The following PRSS16 variants were observed in gnomAD, a reference collection of about 807,000 sequenced individuals.
The protein encoded by PRSS16 is serine protease 16, also known as thymus-specific serine protease.
PRSS16 carries 43 observed loss-of-function variants against 61.7 expected under a neutral mutation model. That is an observed-to-expected ratio of 0.70 (90% CI 0.55 to 0.90). The LOEUF (loss-of-function observed/expected upper bound fraction) is 0.90. Among genes scored for constraint, PRSS16 ranks in the 40% least tolerant of loss-of-function variants. PRSS16 has a pLI of 0.00. For missense variants in PRSS16, 591 were observed against 659.1 expected (o/e 0.90, Z 1.13); for synonymous variants, 273 against 285.2 (o/e 0.96, Z 0.43).
In PRSS16 at chr6:27,252,070, G is replaced by C; in HGVS notation, c.1008+30G>C. 1.4e-6 allele frequency: 2 copies of C among 1,458,790 alleles called. No homozygotes were observed. Among genetic ancestry groups the C allele is most frequent in the Non-Finnish European group, 1.8e-6 (2 of 1,110,334 alleles). 90.4% of individuals were successfully genotyped at this position (1,458,790 alleles called of 1,614,324 possible). ...GCACTCCCTGGCACAGCTGGGAGGA[G>C]TTAGCGGACAAAGATTCCTGCCCCA... On this transcript the variant is annotated intron_variant, in intron 8 of 11. Coordinates refer to ENST00000230582, the MANE Select transcript of PRSS16 (RefSeq NM_005865.4). This position sits in a 1 kb window ranked among gnomAD's most constrained non-coding sequence, Gnocchi z 4.2.
chr6:27,256,215 C>T lies in PRSS16; in HGVS notation c.*900C>T, dbSNP rs1183623443. On this transcript the variant is annotated 3_prime_UTR_variant, in exon 12 of 12. Transcript: ENST00000230582. ...TATCTCTCTTATTTAGTCTTCCTTC[C>T]ACACCCTTCACTCACCATCTTTTCC... 6.6e-6 allele frequency: 1 copy of T among 152,616 alleles called. No homozygotes were observed. The highest frequency in any genetic ancestry group is 1.9e-4 in the East Asian group (1 of 5,190). The allele number at this position is 152,616 out of a possible 1,614,324, so 9.5% of individuals were successfully genotyped here.
chr6:27,248,411 G>A (rs1371018943), intron 2 of PRSS16, among the ~76,000 whole-genome samples: 2 of 151,882 alleles, frequency 1.3e-5, no homozygotes, highest in African/African-American at 4.8e-5. Context: ...TTTGGAATCA[G>A]ACCTAGCTCA....
intron 9 of PRSS16, 115 bp from the exon 10 acceptor site, chr6:27,254,578 C>G: frequency 9.7e-7 from 1 of 1,030,874 alleles, no homozygotes; most frequent in Non-Finnish European, 1.5e-6. Flanking sequence ...GTAAACTCCT[C>G]GAAGGGAGTA....
Position 27,252,058 on chromosome 6 carries a change from C to T in PRSS16, c.1008+18C>T. ...CGGTGCAGGTGAGCACTCCCTGGCACAGCTGGGAGGAGTTAGCGGACAAAG... is the reference window on the plus strand; with the variant it reads ...CGGTGCAGGTGAGCACTCCCTGGCATAGCTGGGAGGAGTTAGCGGACAAAG... On this transcript the variant is annotated intron_variant, in intron 8 of 11. Transcript: ENST00000230582. The surrounding 1 kb of genome is among the most constrained non-coding windows in gnomAD (Gnocchi z 4.2). The T allele has an allele frequency of 6.7e-7, 1 of 1,482,968 alleles. No individual in the cohort carries two copies. The highest frequency in any genetic ancestry group is 1.3e-5 in the South Asian group (1 of 76,734). 91.9% of individuals were successfully genotyped at this position (1,482,968 alleles called of 1,614,324 possible).
Position 27,251,738 on chromosome 6 carries a change from T to C in PRSS16, c.718-12T>C. 1 of 1,586,386 alleles carries C rather than the reference T, an allele frequency of 6.3e-7. No homozygotes were observed. The highest frequency in any genetic ancestry group is 8.5e-7 in the Non-Finnish European group (1 of 1,173,532). On this transcript the variant is annotated splice_polypyrimidine_tract_variant and intron_variant, in intron 7 of 11. Coordinates refer to ENST00000230582, the MANE Select transcript of PRSS16 (RefSeq NM_005865.4). This position sits in a 1 kb window ranked among gnomAD's most constrained non-coding sequence, Gnocchi z 5.6. ...CTAAGTCTTGGCGGACATCGCCTCT[T>C]GCTTCCCACAGTGCCGGGCGGCGGT... is the stretch of plus-strand genomic sequence containing the variant.
chr6:27,250,345 T>A (rs113396106), intron 4 of PRSS16, among the ~76,000 whole-genome samples: 2,572 of 152,308 alleles, frequency 0.017, 79 homozygotes, highest in African/African-American at 0.056. Flanking sequence ...CTCCTCTTAG[T>A]AGCCCTCCTT....
rs749995311 is a variant in PRSS16 at position 27,256,004 on chromosome 6, G to C, written c.*689G>C. 123 of 151,330 alleles carry C rather than the reference G, an allele frequency of 8.1e-4. No homozygotes were observed. The highest frequency in any genetic ancestry group is 1.6e-3 in the Non-Finnish European group (112 of 68,528). 9.4% of individuals were successfully genotyped at this position (151,330 alleles called of 1,614,324 possible). A position where few individuals can be genotyped will look rare whatever the true frequency, so the allele number is the denominator to read the frequency against. On this transcript the variant is annotated 3_prime_UTR_variant, in exon 12 of 12. Coordinates refer to ENST00000230582, the MANE Select transcript of PRSS16 (RefSeq NM_005865.4). Reference sequence around the variant, plus strand: ...TCCTAGTCACTTTCTTTCTCACTCTGTCTCTGTCTCTATTTCTGTCTCTCC... The same window carrying C: ...TCCTAGTCACTTTCTTTCTCACTCTCTCTCTGTCTCTATTTCTGTCTCTCC...
Position 27,251,359 on chromosome 6 carries a change from G to T in PRSS16, c.717+95G>T. ...GCCAGAGAAGGGCGAAACCTGCAAC[G>T]TGGCGGGGTCTAAGGAAGGTCGGAG... On this transcript the variant is annotated intron_variant, in intron 7 of 11. Coordinates refer to ENST00000230582, the MANE Select transcript of PRSS16 (RefSeq NM_005865.4). This position sits in a 1 kb window ranked among gnomAD's most constrained non-coding sequence, Gnocchi z 5.6. The T allele has an allele frequency of 6.9e-7, 1 of 1,439,836 alleles. No individual in the cohort carries two copies. The highest frequency in any genetic ancestry group is 9.3e-7 in the Non-Finnish European group (1 of 1,077,288). 89.2% of individuals were successfully genotyped at this position (1,439,836 alleles called of 1,614,324 possible). A position where few individuals can be genotyped will look rare whatever the true frequency, so the allele number is the denominator to read the frequency against.
At position 27,252,273 on chromosome 6, in the gene PRSS16, C is replaced by T. The variant is rs990092172; in HGVS notation, c.1008+233C>T. The T allele has an allele frequency of 7.1e-6, 4 of 561,642 alleles. No homozygotes were observed. The highest frequency in any genetic ancestry group is 1.2e-5 in the Non-Finnish European group (4 of 334,296). 34.8% of individuals were successfully genotyped at this position (561,642 alleles called of 1,614,324 possible). A position where few individuals can be genotyped will look rare whatever the true frequency, so the allele number is the denominator to read the frequency against. ...CGAATGTTAGAGACTGCGATTATTACCTATTTTGCCTATCCTGTCCTGTTC... is the reference window on the plus strand; with the variant it reads ...CGAATGTTAGAGACTGCGATTATTATCTATTTTGCCTATCCTGTCCTGTTC... On this transcript the variant is annotated intron_variant, in intron 8 of 11. Transcript: ENST00000230582. The surrounding 1 kb of genome is among the most constrained non-coding windows in gnomAD (Gnocchi z 4.2).
At chr6:27,250,276 T>C (rs1049507507) in intron 4 of PRSS16, among the ~76,000 whole-genome samples, 1 of 152,238 alleles carries the variant, frequency 6.6e-6, no homozygotes, top group Non-Finnish European at 1.5e-5. Flanking sequence ...TCTCCATTTC[T>C]CTTTGTGTCT....
chr6:27,252,189 G>A lies in PRSS16; in HGVS notation c.1008+149G>A. 1 of 999,294 alleles carries A rather than the reference G, an allele frequency of 1.0e-6. No individual in the cohort carries two copies. The highest frequency in any genetic ancestry group is 1.4e-6 in the Non-Finnish European group (1 of 716,020). 61.9% of individuals were successfully genotyped at this position (999,294 alleles called of 1,614,324 possible). A position where few individuals can be genotyped will look rare whatever the true frequency, so the allele number is the denominator to read the frequency against. On this transcript the variant is annotated intron_variant, in intron 8 of 11. Coordinates refer to ENST00000230582, the MANE Select transcript of PRSS16 (RefSeq NM_005865.4). This position sits in a 1 kb window ranked among gnomAD's most constrained non-coding sequence, Gnocchi z 4.2. Reference sequence around the variant, plus strand: ...GGATAACACTTCACAGGGCCGATGGGAAGATGAAATGAGGCGGGTCATGTA... The same window carrying A: ...GGATAACACTTCACAGGGCCGATGGAAAGATGAAATGAGGCGGGTCATGTA...
At chr6:27,253,072 C>G (rs761500748) in intron 9 of PRSS16, 123 bp downstream of exon 9, 1 of 1,300,274 alleles carries the variant, frequency 7.7e-7, no homozygotes, top group Non-Finnish European at 1.1e-6. Flanking sequence ...GTGTAACCTG[C>G]AGATGTTGGG....
intron 9 of PRSS16, chr6:27,253,704 T>C (rs1027533257): frequency 9.2e-6 from 2 of 217,338 alleles, no homozygotes; most frequent in African/African-American, 4.6e-5. Context: ...TTGGGCAAAC[T>C]TGGGCAAGTG....
Position 27,251,846 on chromosome 6 carries a change from T to G in PRSS16, c.814T>G (p.Cys272Gly). ...QAALRTELSA[C>G]GPLGRAENQA... ...AGCATTGCGGACGGAGCTGAGCGCT[T>G]GCGGGCCCCTGGGCCGCGCTGAAAA... The change falls in exon 8 of 12, where the codon TGC becomes GGC. Residue 272 changes from cysteine (C) to glycine (G), a missense_variant. Physicochemically the swap from Cys to Gly is radical, Grantham distance 159. Transcript: ENST00000230582. This position sits in a 1 kb window ranked among gnomAD's most constrained non-coding sequence, Gnocchi z 5.6. 8.1e-6 allele frequency: 13 copies of G among 1,612,902 alleles called. No individual in the cohort carries two copies. Among genetic ancestry groups the G allele is most frequent in the Non-Finnish European group, 1.1e-5 (13 of 1,179,730 alleles).
At chr6:27,248,570 CA>C (rs1484801951) in intron 2 of PRSS16, among the ~76,000 whole-genome samples, 1 of 151,968 alleles carries the variant, frequency 6.6e-6, no homozygotes, top group African/African-American at 2.4e-5. Context: ...ATTATTACTT[CA>C]AGAAATAGCA....
In PRSS16 at chr6:27,247,971, G is replaced by A; in HGVS notation, c.160G>A (p.Ala54Thr). The stretch of plus-strand genomic sequence containing the variant: ...GGGCCTGAGCCTGGGGCCAGGTGCT[G>A]CAGCCCTCCCAAAAGTGGGGTGGCT... ...GLGLSLGPGAAALPKVGWLEQ... is the reference protein window; with the variant it reads ...GLGLSLGPGATALPKVGWLEQ... The change falls in exon 2 of 12, where the codon GCA (alanine) becomes ACA (threonine). Residue 54 changes from alanine (A) to threonine (T), a missense_variant. Physicochemically the swap from Ala to Thr is moderately conservative, Grantham distance 58 (BLOSUM62 0). Coordinates refer to ENST00000230582, the MANE Select transcript of PRSS16 (RefSeq NM_005865.4). The A allele has an allele frequency of 6.2e-7, 1 of 1,611,160 alleles. No homozygotes were observed. Among genetic ancestry groups the A allele is most frequent in the Non-Finnish European group, 8.5e-7 (1 of 1,178,656 alleles).
Position 27,250,722 on chromosome 6 carries a change from C to A in PRSS16, c.507C>A (p.Arg169=). ...TCTCTGCCCGCCTGGCACTTTCCCGCCTCTTTAACATCTCCTCCTCCAGCC... is the reference window on the plus strand; with the variant it reads ...TCTCTGCCCGCCTGGCACTTTCCCGACTCTTTAACATCTCCTCCTCCAGCC... ...DVVSARLALS[R]LFNISSSSPW... Residue 169 remains arginine (R), a synonymous_variant, in exon 5 of 12, where the codon CGC becomes CGA. Transcript: ENST00000230582. 1 of 1,613,888 alleles carries A rather than the reference C, an allele frequency of 6.2e-7. No homozygotes were observed. The highest frequency in any genetic ancestry group is 2.2e-5 in the East Asian group (1 of 44,868).
chr6:27,255,254 T>G lies in PRSS16; in HGVS notation c.1484T>G (p.Phe495Cys). ...CTTCCCACCTCCCCACAGAACATCTTCCAGCAGCTACAGACCTGGCTCAAG... is the reference window on the plus strand; with the variant it reads ...CTTCCCACCTCCCCACAGAACATCTGCCAGCAGCTACAGACCTGGCTCAAG... ...PSLRLGRQNIFQQLQTWLKLA... is the reference protein window; with the variant it reads ...PSLRLGRQNICQQLQTWLKLA... Residue 495 changes from phenylalanine to cysteine, a missense_variant, in exon 12 of 12, where the codon TTC becomes TGC. By Grantham distance (205) the Phe-to-Cys change is radical (BLOSUM62 -2). Coordinates refer to ENST00000230582, the MANE Select transcript of PRSS16 (RefSeq NM_005865.4). The surrounding 1 kb of genome is among the most constrained non-coding windows in gnomAD (Gnocchi z 4.4). 6.2e-7 allele frequency: 1 copy of G among 1,614,094 alleles called. No homozygotes were observed. Among genetic ancestry groups the G allele is most frequent in the Non-Finnish European group, 8.5e-7 (1 of 1,179,974 alleles).
intron 9 of PRSS16, chr6:27,253,500 A>G: frequency 2.2e-6 from 1 of 454,664 alleles, no homozygotes; most frequent in Non-Finnish European, 4.4e-6. Context: ...TGTAAATATA[A>G]CCTTGTCCCT....
Sources: allele counts gnomAD v4.1 joint callset (sites outside exome capture counted in the v4.1 genomes callset), GRCh38; gene constraint gnomAD v4.1.1; non-coding constraint Gnocchi (gnomAD v3.1); transcripts MANE v1.5; gene names NCBI Gene and HGNC (gene_info 2026-07-23, HGNC 2026-07-21).